ARB2A: variants seen among roughly 807,000 people sequenced by gnomAD.
The protein encoded by ARB2A is cotranscriptional regulator ARB2A.
At chr5:93,737,950 A>T in the ARB2A span, 12 of 447,136 alleles carry the variant, frequency 2.7e-5, no homozygotes, top group South Asian at 1.6e-4. Flanking sequence ...CCTAAGCAAC[A>T]AAAGAAAAAA....
chr5:93,880,971 C>T, the ARB2A span, among the ~76,000 whole-genome samples: 2 of 151,752 alleles, frequency 1.3e-5, no homozygotes, highest in East Asian at 3.9e-4. Context: ...AGTTGCTCAT[C>T]GTAAAACAAT....
the ARB2A span, among the ~76,000 whole-genome samples, chr5:93,992,639 T>C: frequency 1.3e-5 from 2 of 152,028 alleles, no homozygotes; most frequent in Admixed American, 6.6e-5. Flanking sequence ...TTATACAGTT[T>C]TGCCATGTAC....
chr5:94,076,904 T>C, the ARB2A span, among the ~76,000 whole-genome samples: 2 of 152,178 alleles, frequency 1.3e-5, no homozygotes, highest in Middle Eastern at 3.2e-3. Flanking sequence ...TCATTGTGAC[T>C]GGTTTAACAA....
At chr5:93,724,303 C>T in the ARB2A span, among the ~76,000 whole-genome samples, 20 of 152,046 alleles carry the variant, frequency 1.3e-4, no homozygotes, top group African/African-American at 4.8e-4. Flanking sequence ...TAAACCAAGC[C>T]TAGTCTTCTC....
At chr5:93,889,230 G>T in the ARB2A span, among the ~76,000 whole-genome samples, 1 of 151,886 alleles carries the variant, frequency 6.6e-6, no homozygotes, top group Non-Finnish European at 1.5e-5. Flanking sequence ...GTTAAGAGTG[G>T]TATTTAAACT....
chr5:94,020,654 T>C, the ARB2A span, among the ~76,000 whole-genome samples: 1 of 152,186 alleles, frequency 6.6e-6, no homozygotes, highest in African/African-American at 2.4e-5. Context: ...GTACATATTG[T>C]AGATCTGATA....
At chr5:93,643,264 G>A in the ARB2A span, among the ~76,000 whole-genome samples, 1 of 152,238 alleles carries the variant, frequency 6.6e-6, no homozygotes, top group African/African-American at 2.4e-5. Context: ...ACCAGGATAT[G>A]TGCCCAAATA....
At chr5:94,032,765 T>C in the ARB2A span, among the ~76,000 whole-genome samples, 1 of 152,196 alleles carries the variant, frequency 6.6e-6, no homozygotes, top group African/African-American at 2.4e-5. Context: ...GAGATGATTC[T>C]GGAGTTTTAA....
At chr5:94,082,922 T>C in the ARB2A span, among the ~76,000 whole-genome samples, 1 of 152,188 alleles carries the variant, frequency 6.6e-6, no homozygotes, top group Non-Finnish European at 1.5e-5. Flanking sequence ...CCATATAAGT[T>C]ACAGTGGTTA....
chr5:93,840,140 T>C, the ARB2A span, among the ~76,000 whole-genome samples: 1 of 152,162 alleles, frequency 6.6e-6, no homozygotes, highest in Non-Finnish European at 1.5e-5. Context: ...GGGTATTTAG[T>C]GCTATAAAAT....
At chr5:93,904,096 A>C in the ARB2A span, among the ~76,000 whole-genome samples, 4 of 151,912 alleles carry the variant, frequency 2.6e-5, no homozygotes, top group African/African-American at 9.7e-5. Context: ...GAAAGAAAAA[A>C]CATAGGTGAC....
At chr5:93,923,506 G>C in the ARB2A span, among the ~76,000 whole-genome samples, 7 of 152,182 alleles carry the variant, frequency 4.6e-5, no homozygotes, top group South Asian at 6.2e-4. Context: ...CTTTTTAAAA[G>C]GGAAAAATAA....
At chr5:94,095,253 T>C in the ARB2A span, among the ~76,000 whole-genome samples, 3 of 152,138 alleles carry the variant, frequency 2.0e-5, no homozygotes, top group Non-Finnish European at 2.9e-5. Flanking sequence ...CCAGCCCTGA[T>C]CCTCAATCAT....
the ARB2A span, among the ~76,000 whole-genome samples, chr5:93,941,366 C>T: frequency 6.6e-6 from 1 of 151,922 alleles, no homozygotes; most frequent in African/African-American, 2.4e-5. Flanking sequence ...AAATCCAGAT[C>T]GTGGATATAG....
the ARB2A span, among the ~76,000 whole-genome samples, chr5:93,702,675 G>T: frequency 6.6e-6 from 1 of 152,142 alleles, no homozygotes; most frequent in African/African-American, 2.4e-5. Flanking sequence ...GGGTAGGGGT[G>T]AAGTGGGCTT....
chr5:93,785,339 T>A, the ARB2A span, among the ~76,000 whole-genome samples: 1 of 152,188 alleles, frequency 6.6e-6, no homozygotes, highest in Non-Finnish European at 1.5e-5. Flanking sequence ...AATACTAACC[T>A]TGCATTTCAT....
At chr5:93,784,329 A>C in the ARB2A span, 1 of 1,291,784 alleles carries the variant, frequency 7.7e-7, no homozygotes, top group Admixed American at 1.8e-5. Flanking sequence ...TGGGGGCTCA[A>C]GATATAAAGG....
At chr5:93,626,994 G>C in the ARB2A span, among the ~76,000 whole-genome samples, 1 of 152,186 alleles carries the variant, frequency 6.6e-6, no homozygotes, top group Non-Finnish European at 1.5e-5. Flanking sequence ...CTAAGTTTAT[G>C]CAATATTCAA....
At chr5:94,012,672 C>T in the ARB2A span, among the ~76,000 whole-genome samples, 3 of 126,028 alleles carry the variant, frequency 2.4e-5, no homozygotes, top group South Asian at 2.4e-4. Flanking sequence ...CCAGTCTAAC[C>T]TGCTAACTCA....
Sources: allele counts gnomAD v4.1 joint callset (sites outside exome capture counted in the v4.1 genomes callset), GRCh38; gene constraint gnomAD v4.1.1; transcripts MANE v1.5; gene names NCBI Gene and HGNC (gene_info 2026-07-23, HGNC 2026-07-21).